The following ITGA9 variants were observed in gnomAD, a reference collection of about 807,000 sequenced individuals.
ITGA9 encodes integrin alpha-9.
In ITGA9, 56 loss-of-function variants were observed where a neutral mutation model predicts 127.8. The ratio of observed to expected loss-of-function variants is 0.44; its 90% confidence interval spans 0.35 to 0.55. ITGA9 has a LOEUF of 0.55. Among genes scored for constraint, ITGA9 ranks in the 20% least tolerant of loss-of-function variants. The probability of loss-of-function intolerance (pLI) is 0.00; values close to 1 mark genes in which losing one functional copy is unlikely to be tolerated. For missense variants in ITGA9, 1,196 were observed against 1,347.1 expected (o/e 0.89, Z 1.76); for synonymous variants, 508 against 514.5 (o/e 0.99, Z 0.17).
Position 37,474,537 on chromosome 3 carries a change from C to T in ITGA9, c.420+1077C>T, listed in dbSNP as rs140794158. Among the ~76,000 whole-genome samples, 1,307 of 140,484 alleles carry T rather than the reference C, an allele frequency of 9.3e-3. 9 individuals carry two copies. Among genetic ancestry groups the T allele is most frequent in the Non-Finnish European group, 0.015 (933 of 60,250 alleles). The allele number at this position is 140,484 out of a possible 152,430, so 92.2% of individuals were successfully genotyped here. ...CACACCCAGCTGTGAGTGCACAGCC[C>T]GATGGGTTTTCACGCATGTACACTT... On this transcript the variant is annotated intron_variant, in intron 3 of 27. Coordinates refer to ENST00000264741, the MANE Select transcript of ITGA9 (RefSeq NM_002207.3).
At chr3:37,484,841 G>T (rs1698592876) in intron 4 of ITGA9, among the ~76,000 whole-genome samples, 1 of 152,142 alleles carries the variant, frequency 6.6e-6, no homozygotes, top group Admixed American at 6.5e-5. Context: ...CTGAGTTAAT[G>T]CTTCTAAGTC....
rs779623181 is a variant in ITGA9 at position 37,779,983 on chromosome 3, G to C, written c.2749G>C (p.Asp917His). 9.3e-6 allele frequency: 15 copies of C among 1,613,952 alleles called. 1 individual carries two copies. The South Asian group carries it at 1.6e-4, about 18-fold the overall frequency. ...TGCTAAAGAAGAAAGTCGTACTATA[G>C]ACATTTACATGCTGCTGAACACAGA... Reference protein sequence around the residue: ...ALAKEESRTIDIYMLLNTEIL... With the variant: ...ALAKEESRTIHIYMLLNTEIL... Residue 917 changes from aspartate to histidine, a missense_variant, in exon 25 of 28, where the codon GAC becomes CAC. Coordinates refer to ENST00000264741, the MANE Select transcript of ITGA9 (RefSeq NM_002207.3).
intron 18 of ITGA9, among the ~76,000 whole-genome samples, chr3:37,704,079 T>G (rs1284636163): frequency 6.6e-6 from 1 of 152,204 alleles, no homozygotes; most frequent in African/African-American, 2.4e-5. Flanking sequence ...TTTTGGGGTA[T>G]GCTGGCTGCT....
intron 11 of ITGA9, 102 bp downstream of exon 11, chr3:37,519,456 C>T (rs914609562): frequency 9.6e-6 from 9 of 941,696 alleles, no homozygotes; most frequent in Non-Finnish European, 1.5e-5. Flanking sequence ...CAAAGAAAAA[C>T]ATTTTTCTTG....
In ITGA9 at chr3:37,629,475, C is replaced by G. The variant is rs1700209563; in HGVS notation, c.1839+139C>G. Reference sequence around the variant, plus strand: ...GGACACACCTCCTCTCTGGGTCTCCCTTTTCTGATCTGCAAAATGATAAAA... The same window carrying G: ...GGACACACCTCCTCTCTGGGTCTCCGTTTTCTGATCTGCAAAATGATAAAA... On this transcript the variant is annotated intron_variant, in intron 16 of 27. Transcript: ENST00000264741. The surrounding 1 kb of genome is among the most constrained non-coding windows in gnomAD (Gnocchi z 4.5). 1.2e-6 allele frequency: 1 copy of G among 843,900 alleles called. No individual in the cohort carries two copies. The highest frequency in any genetic ancestry group is 2.6e-5 in the East Asian group (1 of 37,754). The allele number at this position is 843,900 out of a possible 1,614,324, so 52.3% of individuals were successfully genotyped here.
chr3:37,543,038 T>C (rs1190307459), intron 15 of ITGA9, among the ~76,000 whole-genome samples: 1 of 152,182 alleles, frequency 6.6e-6, no homozygotes, highest in Non-Finnish European at 1.5e-5. Context: ...ACTAGATTCT[T>C]CCCCCTTGAC....
At chr3:37,692,410 AGAGTGTGTGTGT>A (rs1346560703) in intron 18 of ITGA9, among the ~76,000 whole-genome samples, 4 of 135,898 alleles carry the variant, frequency 2.9e-5, no homozygotes, top group Admixed American at 1.4e-4. Context: ...AGAGAGAGAG[AGAGTGTGTGTGT>A]GTGTGTGTGT....
At chr3:37,602,207 A>C (rs548895660) in intron 15 of ITGA9, among the ~76,000 whole-genome samples, 2 of 148,708 alleles carry the variant, frequency 1.3e-5, no homozygotes, top group South Asian at 4.2e-4. Context: ...TCTTAAAATC[A>C]AAATTGATGG....
At chr3:37,635,035 T>G (rs1381792456) in intron 16 of ITGA9, among the ~76,000 whole-genome samples, 1 of 152,212 alleles carries the variant, frequency 6.6e-6, no homozygotes, top group African/African-American at 2.4e-5. Flanking sequence ...ATTTAAGAAT[T>G]TCTTAAGACA....
intron 1 of ITGA9, among the ~76,000 whole-genome samples, chr3:37,462,654 G>A (rs1698327695): frequency 6.6e-6 from 1 of 152,132 alleles, no homozygotes; most frequent in Non-Finnish European, 1.5e-5. Context: ...TCAAGGCCCT[G>A]TCCAAGGTAT....
chr3:37,646,308 A>G (rs1482017065), intron 16 of ITGA9, among the ~76,000 whole-genome samples: 1 of 152,222 alleles, frequency 6.6e-6, no homozygotes, highest in African/African-American at 2.4e-5. Context: ...CAAAACATAT[A>G]CTGTCTCACC....
At chr3:37,754,521 A>G (rs1696627314) in intron 23 of ITGA9, among the ~76,000 whole-genome samples, 1 of 152,214 alleles carries the variant, frequency 6.6e-6, no homozygotes, top group Non-Finnish European at 1.5e-5. Flanking sequence ...CTGCAAAACC[A>G]ATTGAAAATA....
At chr3:37,697,305 C>CTGT (rs1273115618) in intron 18 of ITGA9, among the ~76,000 whole-genome samples, 23 of 117,754 alleles carry the variant, frequency 2.0e-4, no homozygotes, top group Non-Finnish European at 3.8e-4. Context: ...ACGACTACTT[C>CTGT]TGTTATTATT....
At chr3:37,659,306 A>G (rs944842894) in intron 17 of ITGA9, among the ~76,000 whole-genome samples, 2 of 152,122 alleles carry the variant, frequency 1.3e-5, no homozygotes, top group African/African-American at 4.8e-5. Flanking sequence ...CATCACTTTC[A>G]GATACACCAA....
At chr3:37,748,211 A>G (rs1004478815) in intron 22 of ITGA9, 5 of 459,234 alleles carry the variant, frequency 1.1e-5, no homozygotes, top group African/African-American at 4.1e-5. Context: ...ATGCAAATCT[A>G]TAAGAAAGGT....
intron 23 of ITGA9, among the ~76,000 whole-genome samples, chr3:37,761,290 A>G (rs1245855189): frequency 6.6e-6 from 1 of 152,240 alleles, no homozygotes; most frequent in Non-Finnish European, 1.5e-5. Context: ...CAATTTGACA[A>G]TAACTACCAA....
chr3:37,801,413 G>A (rs549384702), intron 26 of ITGA9, among the ~76,000 whole-genome samples: 1 of 152,148 alleles, frequency 6.6e-6, no homozygotes, highest in Non-Finnish European at 1.5e-5. Context: ...AAAATTCAGC[G>A]AGCTATACAC....
Position 37,598,600 on chromosome 3 carries a change from T to C in ITGA9, c.1690-30587T>C, listed in dbSNP as rs78031058. On this transcript the variant is annotated intron_variant, in intron 15 of 27. Coordinates refer to ENST00000264741, the MANE Select transcript of ITGA9 (RefSeq NM_002207.3). ...GAGGTCAGAGTGAGAGAGGTCAAGA[T>C]TGGCTGGCCAGGGGTATTAGCCCTG... 9.8e-3 allele frequency among the ~76,000 whole-genome samples: 1,495 copies of C among 152,236 alleles called. 22 individuals carry two copies. Among genetic ancestry groups the C allele is most frequent in the African/African-American group, 0.033 (1,352 of 41,520 alleles).
chr3:37,466,126 T>C (rs1260368462), intron 1 of ITGA9, among the ~76,000 whole-genome samples: 1 of 152,138 alleles, frequency 6.6e-6, no homozygotes, highest in African/African-American at 2.4e-5. Context: ...ACACTCTATG[T>C]GCCTGCTACA....
Sources: gnomAD v4.1 joint callset for allele counts (sites outside exome capture counted in the v4.1 genomes callset) on GRCh38, gnomAD v4.1.1 for gene constraint, Gnocchi (gnomAD v3.1) non-coding constraint, MANE v1.5 for transcripts, NCBI Gene and HGNC (gene_info 2026-07-23, HGNC 2026-07-21) for gene names.